Variants in PRKG1 observed in about 807,000 individuals in gnomAD.
PRKG1 encodes the protein protein kinase cGMP-dependent 1.
Under a neutral mutation model 88.1 loss-of-function variants are expected in PRKG1, and 35 were observed. The observed-to-expected ratio is 0.40, with a 90% confidence interval of 0.30 to 0.53. The LOEUF is 0.53. Ranked by LOEUF, PRKG1 falls within the 20% of genes least tolerant of loss-of-function variation. The pLI is 0.59. For missense variants in PRKG1, 540 were observed against 839.8 expected (o/e 0.64, Z 4.41); for synonymous variants, 303 against 292.5 (o/e 1.04, Z -0.37).
intron 5 of PRKG1, among the ~76,000 whole-genome samples, chr10:51,992,692 C>A (rs1238554128): frequency 6.6e-6 from 1 of 152,114 alleles, no homozygotes; most frequent in Non-Finnish European, 1.5e-5. Context: ...ACTTAGACAT[C>A]CAGGCCTAAA....
intron 9 of PRKG1, 40 bp from the exon 10 acceptor site, chr10:52,251,530 C>T (rs556552058): frequency 2.0e-6 from 3 of 1,521,002 alleles, no homozygotes; most frequent in East Asian, 2.3e-5. Context: ...CGTGTTTGCA[C>T]CTCTAAGAAA....
At chr10:52,070,140 C>G (rs1412462260) in intron 7 of PRKG1, among the ~76,000 whole-genome samples, 1 of 152,084 alleles carries the variant, frequency 6.6e-6, no homozygotes, top group African/African-American at 2.4e-5. Flanking sequence ...CAGACACAAC[C>G]AAAACCTAAT....
intron 13 of PRKG1, 59 bp from the exon 14 acceptor site, chr10:52,282,092 CTT>C: frequency 1.4e-6 from 2 of 1,404,948 alleles, no homozygotes; most frequent in Non-Finnish European, 1.9e-6. Flanking sequence ...TTCAAAATAA[CTT>C]ATTACTTTAA....
At chr10:51,359,885 T>G (rs1842443143) in intron 2 of PRKG1, among the ~76,000 whole-genome samples, 1 of 151,938 alleles carries the variant, frequency 6.6e-6, no homozygotes, top group Admixed American at 6.6e-5. Context: ...TGGTATTAAA[T>G]TCTGGGCCAG....
chr10:52,148,668 C>G (rs977467602), intron 8 of PRKG1, among the ~76,000 whole-genome samples: 18 of 152,030 alleles, frequency 1.2e-4, no homozygotes, highest in Admixed American at 3.3e-4. Context: ...GCACAGAGCC[C>G]CTTAGTGGAG....
chr10:51,506,763 A>G (rs996970146), intron 3 of PRKG1, among the ~76,000 whole-genome samples: 4 of 152,172 alleles, frequency 2.6e-5, no homozygotes, highest in Non-Finnish European at 4.4e-5. Flanking sequence ...AGGATCTAGA[A>G]CTAGAAATAC....
chr10:52,293,217 C>T (rs1168620502), intron 17 of PRKG1, among the ~76,000 whole-genome samples: 3 of 151,254 alleles, frequency 2.0e-5, no homozygotes, highest in Non-Finnish European at 4.4e-5. Flanking sequence ...ATGTGAAGGA[C>T]CTCTTCAAGG....
intron 4 of PRKG1, among the ~76,000 whole-genome samples, chr10:51,857,715 G>A (rs141199650): frequency 3.9e-5 from 6 of 152,012 alleles, no homozygotes; most frequent in African/African-American, 9.7e-5. Context: ...GTACTTAAAG[G>A]CTTTTTCTTT....
chr10:51,584,140 T>C (rs1838113217), intron 3 of PRKG1, among the ~76,000 whole-genome samples: 1 of 152,104 alleles, frequency 6.6e-6, no homozygotes, highest in Non-Finnish European at 1.5e-5. Flanking sequence ...GTTTCCACTA[T>C]AGCTTTAATA....
intron 3 of PRKG1, among the ~76,000 whole-genome samples, chr10:51,592,326 C>T (rs1159796390): frequency 2.0e-5 from 3 of 152,176 alleles, no homozygotes; most frequent in African/African-American, 7.2e-5. Context: ...CACTTGTTTA[C>T]TCTTGCCACA....
chr10:51,449,177 G>T (rs1334639772), intron 2 of PRKG1, among the ~76,000 whole-genome samples: 1 of 151,852 alleles, frequency 6.6e-6, no homozygotes, highest in Non-Finnish European at 1.5e-5. Context: ...ATGGATTTTA[G>T]TTGTGTCAAA....
At chr10:52,081,213 A>G (rs946350216) in intron 7 of PRKG1, among the ~76,000 whole-genome samples, 2 of 152,220 alleles carry the variant, frequency 1.3e-5, no homozygotes, top group Admixed American at 6.5e-5. Flanking sequence ...ATGTGGTACA[A>G]TAAAAAATAC....
At chr10:52,166,829 G>GTATATATATGTATATATATGTCTA (rs1564498531) in intron 9 of PRKG1, among the ~76,000 whole-genome samples, 1 of 5,580 alleles carries the variant, frequency 1.8e-4, no homozygotes, top group African/African-American at 5.6e-4. Flanking sequence ...GTATATATAT[G>GTATATATATGTATATATATGTCTA]TATATATATG....
intron 3 of PRKG1, among the ~76,000 whole-genome samples, chr10:51,725,652 G>A (rs1842114083): frequency 6.6e-6 from 1 of 151,354 alleles, no homozygotes; most frequent in South Asian, 2.1e-4. Flanking sequence ...TGGGGGTCGG[G>A]GACAGGGTTT....
At chr10:52,044,747 A>T (rs748562505) in intron 5 of PRKG1, among the ~76,000 whole-genome samples, 10 of 152,104 alleles carry the variant, frequency 6.6e-5, no homozygotes, top group Non-Finnish European at 1.5e-4. Flanking sequence ...GCAGCCCTCT[A>T]AATAGATTTC....
chr10:51,015,989 G>A (rs575934924), intron 1 of PRKG1, among the ~76,000 whole-genome samples: 1 of 152,332 alleles, frequency 6.6e-6, no homozygotes, highest in South Asian at 2.1e-4. Flanking sequence ...GAGGCAAAGG[G>A]ACTAGAAGAT....
chr10:51,027,508 ATTAAC>A (rs1311272299), intron 1 of PRKG1, among the ~76,000 whole-genome samples: 21 of 152,314 alleles, frequency 1.4e-4, no homozygotes, highest in African/African-American at 5.1e-4. Context: ...TTTCATCAAC[ATTAAC>A]TTAAGTTTTG....
intron 5 of PRKG1, among the ~76,000 whole-genome samples, chr10:52,035,372 C>T (rs1406725194): frequency 6.6e-6 from 1 of 152,046 alleles, no homozygotes; most frequent in Non-Finnish European, 1.5e-5. Context: ...GCAGATGGAA[C>T]ACTGAGAAGT....
chr10:52,206,856 C>T (rs1839833664), intron 9 of PRKG1, among the ~76,000 whole-genome samples: 1 of 152,200 alleles, frequency 6.6e-6, no homozygotes, highest in African/African-American at 2.4e-5. Context: ...CAAAGTGCTT[C>T]ATCAGAACAG....
Sources: allele counts gnomAD v4.1 joint callset (sites outside exome capture counted in the v4.1 genomes callset), GRCh38; gene constraint gnomAD v4.1.1; transcripts MANE v1.5; gene names NCBI Gene and HGNC (gene_info 2026-07-23, HGNC 2026-07-21).